The following RBFOX1 variants were observed in gnomAD, a reference collection of about 807,000 sequenced individuals.
RBFOX1 encodes the protein RNA binding protein fox-1 homolog 1.
RBFOX1 carries 8 observed loss-of-function variants against 57.7 expected under a neutral mutation model. The observed-to-expected ratio is 0.14, with a 90% CI of 0.08 to 0.25. The LOEUF (loss-of-function observed/expected upper bound fraction) is 0.25. RBFOX1 is among the 10% of genes least tolerant of loss of function. The pLI is 1.00. For synonymous variants in RBFOX1, 326 were observed against 222.4 expected, an observed-to-expected ratio of 1.47 and a Z score of -4.15; for missense variants, 611 against 548.5, an observed-to-expected ratio of 1.11 and a Z score of -1.14.
intron 1 of RBFOX1, among the ~76,000 whole-genome samples, chr16:6,179,898 T>C (rs1003386160): frequency 6.6e-6 from 1 of 152,208 alleles, no homozygotes; most frequent in Non-Finnish European, 1.5e-5. Flanking sequence ...GGAAGTTCTT[T>C]CTATTCCTCG....
At chr16:7,091,784 C>G (rs1367145776) in intron 4 of RBFOX1, among the ~76,000 whole-genome samples, 1 of 152,188 alleles carries the variant, frequency 6.6e-6, no homozygotes, top group African/African-American at 2.4e-5. Flanking sequence ...CTGATCTGTA[C>G]TCTACATTCT....
At chr16:6,798,490 T>C (rs2084611611) in intron 3 of RBFOX1, among the ~76,000 whole-genome samples, 1 of 152,254 alleles carries the variant, frequency 6.6e-6, no homozygotes, top group African/African-American at 2.4e-5. Flanking sequence ...AAACATTGCC[T>C]AATTCTGAAC....
intron 2 of RBFOX1, among the ~76,000 whole-genome samples, chr16:6,350,480 A>AAAAAAAAAAAAAAAAAAAAC: frequency 1.3e-5 from 1 of 79,690 alleles, no homozygotes; most frequent in African/African-American, 4.6e-5. Context: ...AAAAAAAAAA[A>AAAAAAAAAAAAAAAAAAAAC]AAAAAAAAAA....
In RBFOX1 at chr16:7,052,098, G is replaced by C. The variant is rs758592429; in HGVS notation, c.27G>C (p.Arg9Ser). 12 of 1,606,458 alleles carry C rather than the reference G, an allele frequency of 7.5e-6. No homozygotes were observed. The highest frequency in any genetic ancestry group is 3.4e-5 in the South Asian group (3 of 88,832). MNCEREQL[R>S]GNQEAAAAPD... ...TGAATTGTGAAAGAGAGCAGCTAAG[G>C]GTAGGTGCACCTGCTTGTAAAATGC... The change falls in exon 4 of 16, where the codon AGG becomes AGC. Residue 9 changes from arginine (R) to serine (S), a missense_variant and splice_region_variant. Around this residue, in one of 3 missense-constraint regions of RBFOX1, gnomAD observed 245 missense variants for 159.1 expected, o/e 1.54. Coordinates refer to ENST00000550418, the MANE Select transcript of RBFOX1 (RefSeq NM_018723.4).
At chr16:6,542,483 CTTTTTTT>C (rs71145245) in intron 2 of RBFOX1, among the ~76,000 whole-genome samples, 4 of 55,720 alleles carry the variant, frequency 7.2e-5, no homozygotes, top group South Asian at 1.0e-3. Context: ...GGACCATAGT[CTTTTTTT>C]TTTTTTTTTT....
At chr16:6,043,269 G>A (rs1331330121) in intron 1 of RBFOX1, among the ~76,000 whole-genome samples, 1 of 151,664 alleles carries the variant, frequency 6.6e-6, no homozygotes, top group Non-Finnish European at 1.5e-5. Flanking sequence ...GATCTTAAAA[G>A]GTGTCCGTCT....
chr16:7,705,656 G>GAGTC (rs2082199583), intron 14 of RBFOX1, among the ~76,000 whole-genome samples: 1 of 152,200 alleles, frequency 6.6e-6, no homozygotes, highest in African/African-American at 2.4e-5. Flanking sequence ...TTTAAGCGGG[G>GAGTC]AGTCATAGGA....
chr16:6,665,838 A>C (rs1462553327), intron 3 of RBFOX1, among the ~76,000 whole-genome samples: 1 of 152,108 alleles, frequency 6.6e-6, no homozygotes, highest in African/African-American at 2.4e-5. Flanking sequence ...ATTTATCCCC[A>C]TGTTACAGAT....
chr16:7,683,755 G>A (rs536926531), intron 14 of RBFOX1, among the ~76,000 whole-genome samples: 1 of 152,228 alleles, frequency 6.6e-6, no homozygotes, highest in South Asian at 2.1e-4. Flanking sequence ...GGGTTTAGAG[G>A]CAGGTTGGGA....
chr16:6,901,195 A>G (rs36123182), intron 3 of RBFOX1, among the ~76,000 whole-genome samples: 46,080 of 151,954 alleles, frequency 0.3, 7,974 homozygotes, highest in African/African-American at 0.48. Flanking sequence ...CAATAAATAT[A>G]TACAGAAGGA....
intron 12 of RBFOX1, among the ~76,000 whole-genome samples, chr16:7,659,313 C>CAACA (rs1326266840): frequency 6.6e-6 from 1 of 152,218 alleles, no homozygotes; most frequent in Non-Finnish European, 1.5e-5. Flanking sequence ...AAGTCTCCAA[C>CAACA]AACAGTCTCT....
At chr16:7,027,509 C>G (rs1219163789) in intron 3 of RBFOX1, among the ~76,000 whole-genome samples, 1 of 116,626 alleles carries the variant, frequency 8.6e-6, no homozygotes, top group Non-Finnish European at 1.8e-5. Flanking sequence ...CAAACTCAAG[C>G]AGTCTGGCTT....
chr16:7,481,740 A>G (rs1291282442), intron 4 of RBFOX1, among the ~76,000 whole-genome samples: 1 of 152,208 alleles, frequency 6.6e-6, no homozygotes, highest in Non-Finnish European at 1.5e-5. Flanking sequence ...CAATAAACCC[A>G]TCATAAGTAG....
In RBFOX1 at chr16:7,664,952, A is replaced by G. The variant is rs767642138; in HGVS notation, c.914A>G (p.Tyr305Cys). 6.2e-7 allele frequency: 1 copy of G among 1,613,894 alleles called. No homozygotes were observed. The highest frequency in any genetic ancestry group is 8.5e-7 in the Non-Finnish European group (1 of 1,179,840). ...AGTGTTGTTTACCAGGATGGATTTT[A>G]TGGTGCAGACATTTATGTAAGTATT... ...YGGVVYQDGF[Y>C]GADIYGGYAA... Residue 305 changes from tyrosine to cysteine, a missense_variant, in exon 13 of 16, where the codon TAT becomes TGT. By Grantham distance (194) the Tyr-to-Cys change is radical. Transcript: ENST00000550418.
At chr16:7,631,048 G>T (rs779547713) in intron 11 of RBFOX1, among the ~76,000 whole-genome samples, 1 of 152,208 alleles carries the variant, frequency 6.6e-6, no homozygotes, top group African/African-American at 2.4e-5. Flanking sequence ...CCCTTGCCTA[G>T]TAAAAGATGC....
At chr16:6,452,337 T>C (rs1269815065) in intron 2 of RBFOX1, among the ~76,000 whole-genome samples, 1 of 151,852 alleles carries the variant, frequency 6.6e-6, no homozygotes, top group Non-Finnish European at 1.5e-5. Flanking sequence ...CTTCCTTCCA[T>C]GGCTCCATCC....
At chr16:6,401,717 G>C (rs535494770) in intron 2 of RBFOX1, among the ~76,000 whole-genome samples, 1 of 152,098 alleles carries the variant, frequency 6.6e-6, no homozygotes, top group Non-Finnish European at 1.5e-5. Context: ...CGCAGAGAAC[G>C]AAGGAAGAAA....
At chr16:6,769,019 G>T (rs552775698) in intron 3 of RBFOX1, among the ~76,000 whole-genome samples, 1 of 152,006 alleles carries the variant, frequency 6.6e-6, no homozygotes, top group African/African-American at 2.4e-5. Context: ...GAGCCACTGC[G>T]CCCAGCCAAT....
rs1172790174 is a variant in RBFOX1, at chr16:5,454,710, C to G, written c.220-12506C>G. ...GCAGCCTCCATAATTATTAGGTAAA[C>G]CAGTTCCTTAAAATCTCTCTCTTTC... On this transcript the variant is annotated intron_variant, in intron 1 of 2. Coordinates refer to the RBFOX1 transcript ENST00000585867. 3.3e-5 allele frequency among the ~76,000 whole-genome samples: 5 copies of G among 152,006 alleles called. No homozygotes were observed. The East Asian group carries it at 9.7e-4, about 29-fold the overall frequency.
Sources: allele counts gnomAD v4.1 joint callset (sites outside exome capture counted in the v4.1 genomes callset), GRCh38; gene constraint gnomAD v4.1.1; regional missense constraint gnomAD v4.1.1; transcripts MANE v1.5; gene names NCBI Gene and HGNC (gene_info 2026-07-23, HGNC 2026-07-21).